Variants in CHD1L observed in about 807,000 individuals in gnomAD.
CHD1L encodes chromodomain helicase DNA binding protein 1 like.
In CHD1L, 118 loss-of-function variants were observed where a neutral mutation model predicts 115.9. The observed-to-expected ratio is 1.02, with a 90% confidence interval of 0.88 to 1.19. CHD1L has a LOEUF of 1.19. Among genes scored for constraint, CHD1L ranks in the 50% most tolerant of loss-of-function variants. The pLI, the probability that CHD1L is intolerant of heterozygous loss-of-function variation, is 0.00. For synonymous variants in CHD1L, 411 were observed against 387.1 expected, an observed-to-expected ratio of 1.06 and a Z score of -0.72; for missense variants, 1,179 against 1,065.3, an observed-to-expected ratio of 1.11 and a Z score of -1.49.
intron 6 of CHD1L, 29 bp from the exon 7 acceptor site, chr1:147,264,393 T>C: frequency 6.5e-7 from 1 of 1,538,888 alleles, no homozygotes; most frequent in Non-Finnish European, 8.8e-7. Context: ...TGTTATGGAA[T>C]TTTTATTTTA....
the CHD1L span, among the ~76,000 whole-genome samples, chr1:147,188,993 C>T: frequency 6.6e-6 from 1 of 151,992 alleles, no homozygotes; most frequent in Non-Finnish European, 1.5e-5. Context: ...GAGCAGTTTC[C>T]GGCCAGGTAC....
intron 1 of CHD1L, among the ~76,000 whole-genome samples, chr1:147,247,331 TG>T (rs1553934304): frequency 6.6e-6 from 1 of 152,160 alleles, no homozygotes; most frequent in Non-Finnish European, 1.5e-5. Context: ...GTTTAGGTCA[TG>T]GGGGCAAATC....
At chr1:147,260,555 C>G (rs1455549410) in intron 6 of CHD1L, 2 of 152,144 alleles carry the variant, frequency 1.3e-5, no homozygotes, top group African/African-American at 4.8e-5. Flanking sequence ...TGTTTCAACT[C>G]TCTTTTGATT....
rs142193146 is a variant in CHD1L, at chr1:147,286,497, G to T, written c.2218G>T (p.Val740Leu). 6.2e-7 allele frequency: 1 copy of T among 1,613,244 alleles called. No individual in the cohort carries two copies. The highest frequency in any genetic ancestry group is 1.1e-5 in the South Asian group (1 of 91,052). ...CGAGGATGCTCTCATTGTGCACTGC[G>T]TAGGTACGAGAAGTGGTATGGGCTG... ...GAEDALIVHC[V>L]DDSGHWGRGG... is the part of the protein sequence containing the mutation. The change falls in exon 18 of 23, where the codon GTA (valine) becomes TTA (leucine). Residue 740 changes from valine (V) to leucine (L), a missense_variant. Coordinates refer to ENST00000369258, the MANE Select transcript of CHD1L (RefSeq NM_004284.6).
intron 1 of CHD1L, among the ~76,000 whole-genome samples, chr1:147,243,424 G>A (rs1203476776): frequency 1.3e-5 from 2 of 151,622 alleles, no homozygotes; most frequent in African/African-American, 2.4e-5. Flanking sequence ...ACTGAACCAC[G>A]TACTATATGC....
At chr1:147,228,497 T>C in the CHD1L span, among the ~76,000 whole-genome samples, 2 of 152,272 alleles carry the variant, frequency 1.3e-5, no homozygotes, top group East Asian at 3.8e-4. Context: ...CATAGCAGCA[T>C]GATTTATAAT....
rs1267233588 is a variant in CHD1L, at chr1:147,266,083, C to T, written c.891C>T (p.Asp297=). 5 of 1,607,532 alleles carry T rather than the reference C, an allele frequency of 3.1e-6. No individual in the cohort carries two copies. The highest frequency in any genetic ancestry group is 1.7e-4 in the Middle Eastern group (1 of 6,032). The change falls in exon 8 of 23, where the codon GAC becomes GAT. Residue 297 remains aspartate, a synonymous_variant. Coordinates refer to ENST00000369258, the MANE Select transcript of CHD1L (RefSeq NM_004284.6). ...KKYYKAILMK[D]LDAFENETAK... ...ACTACAAGGCCATTTTGATGAAAGA[C>T]CTAGGTAATCAGAGGGCACTTGTCC...
chr1:147,284,572 G>T, intron 16 of CHD1L, 73 bp downstream of exon 16: 2 of 1,318,502 alleles, frequency 1.5e-6, no homozygotes, highest in African/African-American at 1.5e-5. Flanking sequence ...AAATGATGCT[G>T]GCATCGTTTT....
At chr1:147,258,145 T>C (rs1301357984) in intron 5 of CHD1L, among the ~76,000 whole-genome samples, 1 of 152,204 alleles carries the variant, frequency 6.6e-6, no homozygotes, top group Non-Finnish European at 1.5e-5. Flanking sequence ...GCTGTGCATG[T>C]TACAAATATG....
chr1:147,180,171 A>AAT, the CHD1L span, among the ~76,000 whole-genome samples: 1 of 152,238 alleles, frequency 6.6e-6, no homozygotes, highest in African/African-American at 2.4e-5. Flanking sequence ...TAATAAAAAT[A>AAT]ATAAAGTACA....
At chr1:147,293,023 A>C (rs1686170853) in intron 20 of CHD1L, among the ~76,000 whole-genome samples, 1 of 152,270 alleles carries the variant, frequency 6.6e-6, no homozygotes, top group Non-Finnish European at 1.5e-5. Context: ...TGTGCATGAG[A>C]AACTCAGAAT....
At chr1:147,276,336 G>C in intron 14 of CHD1L, 79 bp downstream of exon 14, 1 of 1,214,848 alleles carries the variant, frequency 8.2e-7, no homozygotes. Context: ...AAAAGAACCA[G>C]CACTCACCCT....
intron 18 of CHD1L, 79 bp from the exon 19 acceptor site, chr1:147,287,556 T>C: frequency 2.1e-6 from 2 of 974,218 alleles, no homozygotes; most frequent in Middle Eastern, 2.2e-4. Context: ...CACAAGTCCC[T>C]TTTGTGTGCC....
At chr1:147,286,602 G>A in intron 18 of CHD1L, 102 bp downstream of exon 18, 2 of 964,056 alleles carry the variant, frequency 2.1e-6, no homozygotes, top group Non-Finnish European at 3.1e-6. Context: ...TCCCAGTGTA[G>A]TATTGTACAG....
rs1344302937 is a variant in CHD1L, at chr1:147,275,782, T to TAAAAA, written c.1386-312_1386-308dup. Among the ~76,000 whole-genome samples the TAAAAA allele has an allele frequency of 8.2e-4, 114 of 139,388 alleles. 2 individuals carry two copies. The South Asian group carries it at 9.7e-3, about 12-fold the overall frequency. The allele number at this position is 139,388 out of a possible 152,430, so 91.4% of individuals were successfully genotyped here. A position where few individuals can be genotyped will look rare whatever the true frequency, so the allele number is the denominator to read the frequency against. On this transcript the variant is annotated intron_variant, in intron 13 of 22. Transcript: ENST00000369258. Reference sequence around the variant, plus strand: ...GGGTTATGGGGCTATGGAGCTAAGCTAAAAAAAAAAAAAAGAAAGATAGAT... The same window carrying TAAAAA: ...GGGTTATGGGGCTATGGAGCTAAGCTAAAAAAAAAAAAAAAAAAAGAAAGATAGAT...
At chr1:147,193,183 C>T in the CHD1L span, among the ~76,000 whole-genome samples, 1 of 152,238 alleles carries the variant, frequency 6.6e-6, no homozygotes, top group South Asian at 2.1e-4. Flanking sequence ...GCCACAATTT[C>T]AGAGCCTGTT....
At chr1:147,236,147 G>C in the CHD1L span, among the ~76,000 whole-genome samples, 1 of 152,184 alleles carries the variant, frequency 6.6e-6, no homozygotes, top group African/African-American at 2.4e-5. Context: ...AGCTGGACCA[G>C]GGGTGCCACA....
At chr1:147,196,058 A>G in the CHD1L span, among the ~76,000 whole-genome samples, 2 of 152,166 alleles carry the variant, frequency 1.3e-5, no homozygotes, top group Non-Finnish European at 2.9e-5. Flanking sequence ...ACATTTGGAA[A>G]TGATTGTCAT....
rs982353654 is a variant in CHD1L at position 147,266,431 on chromosome 1, G to C, written c.895+344G>C. Among the ~76,000 whole-genome samples, 3 of 151,592 alleles carry C rather than the reference G, an allele frequency of 2.0e-5. No homozygotes were observed. The East Asian group carries it at 5.8e-4, about 29-fold the overall frequency. ...CACAGTTTTGCTTTCCAGGGTTTCA[G>C]TTCTGCACTGAACTGCAGTCTGAAA... On this transcript the variant is annotated intron_variant, in intron 8 of 22. Coordinates refer to ENST00000369258, the MANE Select transcript of CHD1L (RefSeq NM_004284.6).
Sources: allele counts gnomAD v4.1 joint callset (sites outside exome capture counted in the v4.1 genomes callset), GRCh38; gene constraint gnomAD v4.1.1; transcripts MANE v1.5; gene names NCBI Gene and HGNC (gene_info 2026-07-23, HGNC 2026-07-21).